The following SLK variants were observed in gnomAD, a reference collection of about 807,000 sequenced individuals.
SLK encodes the protein STE20-like serine/threonine-protein kinase.
A neutral mutation model predicts 147.7 loss-of-function variants in SLK; 67 were observed. That is an observed-to-expected ratio of 0.45 (90% CI 0.37 to 0.56). SLK has a LOEUF of 0.56. Ranked by LOEUF, SLK falls within the 20% of genes least tolerant of loss-of-function variation. The pLI, the probability that SLK is intolerant of heterozygous loss-of-function variation, is 0.00. For synonymous variants in SLK, 441 were observed against 475.0 expected, an observed-to-expected ratio of 0.93 and a Z score of 0.93; for missense variants, 1,136 against 1,438.8, an observed-to-expected ratio of 0.79 and a Z score of 3.41.
At chr10:103,976,149 C>T (rs1843867453) in intron 1 of SLK, among the ~76,000 whole-genome samples, 1 of 152,096 alleles carries the variant, frequency 6.6e-6, no homozygotes, top group Non-Finnish European at 1.5e-5. Context: ...GTGATCTGCC[C>T]ACCTCGGCCT....
Position 103,990,817 on chromosome 10 carries a change from T to C in SLK, c.293T>C (p.Phe98Ser). The change falls in exon 2 of 19, where the codon TTC becomes TCC. Residue 98 changes from phenylalanine to serine, a missense_variant. Phe to Ser is a radical substitution (Grantham distance 155). This residue lies in a region of SLK where 126 missense variants were observed against 141.3 expected (regional missense o/e 0.89). Coordinates refer to ENST00000369755, the MANE Select transcript of SLK (RefSeq NM_014720.4). ...HPNIVKLLDA[F>S]YYENNLWILI... Reference sequence around the variant, plus strand: ...AATATAGTCAAGCTTCTAGATGCCTTCTATTATGAGAACAATCTTTGGGTA... The same window carrying C: ...AATATAGTCAAGCTTCTAGATGCCTCCTATTATGAGAACAATCTTTGGGTA... 1.3e-6 allele frequency: 2 copies of C among 1,522,860 alleles called. No homozygotes were observed. Among genetic ancestry groups the C allele is most frequent in the Non-Finnish European group, 1.7e-6 (2 of 1,143,004 alleles). The allele number at this position is 1,522,860 out of a possible 1,614,324, so 94.3% of individuals were successfully genotyped here.
chr10:104,018,515 AT>A (rs201367492), intron 14 of SLK, among the ~76,000 whole-genome samples: 3 of 151,586 alleles, frequency 2.0e-5, no homozygotes, highest in Non-Finnish European at 4.4e-5. Flanking sequence ...ATTAGCTTAG[AT>A]TTTTTTTTCT....
chr10:103,985,268 C>T (rs549794325), intron 1 of SLK, among the ~76,000 whole-genome samples: 76 of 152,190 alleles, frequency 5.0e-4, no homozygotes, highest in African/African-American at 1.7e-3. Flanking sequence ...GATGTATTCC[C>T]TGGGGATAGA....
intron 18 of SLK, among the ~76,000 whole-genome samples, chr10:104,025,248 A>G (rs1049948597): frequency 4.6e-5 from 7 of 152,226 alleles, no homozygotes; most frequent in Non-Finnish European, 8.8e-5. Flanking sequence ...ATTAGAGTGC[A>G]TAGTATGTGT....
intron 18 of SLK, among the ~76,000 whole-genome samples, chr10:104,023,366 A>G (rs1265727755): frequency 1.3e-5 from 2 of 152,228 alleles, no homozygotes; most frequent in Non-Finnish European, 2.9e-5. Context: ...ATAGAGCATG[A>G]ATTGTAAAGT....
At position 104,026,525 on chromosome 10, in the gene SLK, C is replaced by T. The variant is rs1844601677; in HGVS notation, c.*805C>T. On this transcript the variant is annotated 3_prime_UTR_variant, in exon 19 of 19. Transcript: ENST00000369755. ...TTGGAAAGATGAAAAAAAGAGGTAGCTTTTAGATTGCAAACTGGAAATGTA... is the reference window on the plus strand; with the variant it reads ...TTGGAAAGATGAAAAAAAGAGGTAGTTTTTAGATTGCAAACTGGAAATGTA... The T allele has an allele frequency of 6.6e-6, 1 of 152,218 alleles. No individual in the cohort carries two copies. The highest frequency in any genetic ancestry group is 2.1e-4 in the South Asian group (1 of 4,820). 9.4% of individuals were successfully genotyped at this position (152,218 alleles called of 1,614,324 possible).
At chr10:103,987,247 G>T (rs1268108283) in intron 1 of SLK, among the ~76,000 whole-genome samples, 2 of 151,826 alleles carry the variant, frequency 1.3e-5, no homozygotes, top group African/African-American at 2.4e-5. Flanking sequence ...ATATATGACA[G>T]AATTTGTTAC....
At chr10:103,972,208 T>A (rs1338078382) in intron 1 of SLK, among the ~76,000 whole-genome samples, 1 of 152,246 alleles carries the variant, frequency 6.6e-6, no homozygotes, top group Admixed American at 6.5e-5. Context: ...GATATATTGG[T>A]TGCTTCCAGT....
At chr10:104,008,094 T>C in intron 11 of SLK, 83 bp from the exon 12 acceptor site, 1 of 1,041,672 alleles carries the variant, frequency 9.6e-7, no homozygotes, top group Non-Finnish European at 1.4e-6. Flanking sequence ...ATACTAGTTA[T>C]GTTCTCTTAG....
chr10:103,984,477 A>G (rs947120424), intron 1 of SLK, among the ~76,000 whole-genome samples: 2 of 152,100 alleles, frequency 1.3e-5, no homozygotes, highest in African/African-American at 4.8e-5. Flanking sequence ...GCAATGGTGC[A>G]ATCTTGGCTC....
intron 9 of SLK, among the ~76,000 whole-genome samples, chr10:104,004,306 T>G (rs1844295912): frequency 6.6e-6 from 1 of 152,172 alleles, no homozygotes; most frequent in African/African-American, 2.4e-5. Flanking sequence ...TTCCTAGGAT[T>G]TTCTTCTTTT....
intron 11 of SLK, among the ~76,000 whole-genome samples, chr10:104,007,966 G>GA (rs1273831790): frequency 6.6e-6 from 1 of 151,264 alleles, no homozygotes; most frequent in Non-Finnish European, 1.5e-5. Flanking sequence ...AAATAAAATA[G>GA]AAAAAAAATT....
chr10:104,005,879 G>A (rs201893608), intron 10 of SLK, 33 bp from the exon 11 acceptor site: 2 of 1,570,500 alleles, frequency 1.3e-6, no homozygotes, highest in Non-Finnish European at 1.7e-6. Context: ...AATTTTTGCT[G>A]TCTTCTCTAT....
chr10:103,998,541 T>C (rs1326023296), intron 4 of SLK, among the ~76,000 whole-genome samples: 1 of 152,210 alleles, frequency 6.6e-6, no homozygotes, highest in African/African-American at 2.4e-5. Context: ...ATAGAAAAAA[T>C]GTTAATGACT....
chr10:104,017,557 GCCACCT>G (rs2134527018), intron 13 of SLK, among the ~76,000 whole-genome samples: 1 of 152,228 alleles, frequency 6.6e-6, no homozygotes, highest in Admixed American at 6.5e-5. Flanking sequence ...TCAGCTCACT[GCCACCT>G]CCACCCTCTA....
intron 1 of SLK, among the ~76,000 whole-genome samples, chr10:103,970,625 G>A (rs534701220): frequency 6.6e-6 from 1 of 151,926 alleles, no homozygotes; most frequent in South Asian, 2.1e-4. Context: ...AAAAGTTTTT[G>A]TTTTTCAAGA....
intron 1 of SLK, among the ~76,000 whole-genome samples, chr10:103,989,728 A>G (rs10883959): frequency 0.12 from 18,642 of 152,130 alleles, 1,457 homozygotes; most frequent in East Asian, 0.44. Context: ...TCGGCCTCCC[A>G]AAGTGCTGGG....
chr10:103,973,711 A>G (rs979357132), intron 1 of SLK, among the ~76,000 whole-genome samples: 1 of 152,210 alleles, frequency 6.6e-6, no homozygotes, highest in Non-Finnish European at 1.5e-5. Context: ...GATGTTTTAA[A>G]TACTTTGTTT....
At chr10:104,000,318 G>A (rs955138815) in intron 7 of SLK, among the ~76,000 whole-genome samples, 25 of 152,164 alleles carry the variant, frequency 1.6e-4, no homozygotes, top group African/African-American at 5.8e-4. Flanking sequence ...TTGTTAAAGC[G>A]ATTGGGTAAA....
Sources: allele counts gnomAD v4.1 joint callset (sites outside exome capture counted in the v4.1 genomes callset), GRCh38; gene constraint gnomAD v4.1.1; regional missense constraint gnomAD v4.1.1; transcripts MANE v1.5; gene names NCBI Gene and HGNC (gene_info 2026-07-23, HGNC 2026-07-21).